PCDH17: variants seen among roughly 807,000 people sequenced by gnomAD.
PCDH17 encodes protocadherin 17, also known as protocadherin-17.
Under a neutral mutation model 67.7 loss-of-function variants are expected in PCDH17, and 21 were observed. The observed-to-expected ratio is 0.31, with a 90% confidence interval of 0.22 to 0.45. The LOEUF is 0.45. Among genes scored for constraint, PCDH17 ranks in the 20% least tolerant of loss-of-function variants. The probability of loss-of-function intolerance (pLI) is 1.00; values close to 1 mark genes in which losing one functional copy is unlikely to be tolerated. For missense variants in PCDH17, 1,471 were observed against 1,564.8 expected (o/e 0.94, Z 1.01); for synonymous variants, 701 against 656.7 (o/e 1.07, Z -1.03).
intron 3 of PCDH17, among the ~76,000 whole-genome samples, chr13:57,723,182 A>C (rs1334327438): frequency 6.6e-6 from 1 of 152,220 alleles, no homozygotes; most frequent in Non-Finnish European, 1.5e-5. Flanking sequence ...TAGAAGAAAG[A>C]TACCTAATTT....
chr13:57,684,818 A>G (rs1243926159), intron 3 of PCDH17, among the ~76,000 whole-genome samples: 1 of 151,966 alleles, frequency 6.6e-6, no homozygotes, highest in Non-Finnish European at 1.5e-5. Context: ...CACTACATTT[A>G]TTACTTACGT....
intron 3 of PCDH17, among the ~76,000 whole-genome samples, chr13:57,711,733 C>T (rs1955778535): frequency 6.6e-6 from 1 of 151,268 alleles, no homozygotes; most frequent in East Asian, 1.9e-4. Context: ...TATAAAATTA[C>T]TATAACATAA....
chr13:57,639,462 CAATA>C (rs1329680861), intron 1 of PCDH17, among the ~76,000 whole-genome samples: 11 of 151,608 alleles, frequency 7.3e-5, no homozygotes, highest in Admixed American at 3.9e-4. Flanking sequence ...CTCTATTTCC[CAATA>C]AATGAAAACA....
At chr13:57,661,436 A>G (rs1955182588) in intron 1 of PCDH17, among the ~76,000 whole-genome samples, 1 of 152,104 alleles carries the variant, frequency 6.6e-6, no homozygotes, top group Admixed American at 6.5e-5. Flanking sequence ...AATTCTCTTA[A>G]CAGTTTCTTT....
Position 57,634,095 on chromosome 13 carries a change from G to A in PCDH17, c.1549G>A (p.Gly517Ser), listed in dbSNP as rs768302880. ...VSYSILPSHI[G>S]DVSIYTYVSV... ...CTACTCTATCCTGCCCTCGCACATC[G>A]GCGACGTGTCTATCTACACCTATGT... is the stretch of plus-strand genomic sequence containing the variant. Residue 517 changes from glycine (G) to serine (S), a missense_variant, in exon 1 of 4, where the codon GGC (glycine) becomes AGC (serine). Physicochemically the swap from Gly to Ser is moderately conservative, Grantham distance 56. Transcript: ENST00000377918. This position sits in a 1 kb window ranked among gnomAD's most constrained non-coding sequence, Gnocchi z 7.8. 2 of 1,613,448 alleles carry A rather than the reference G, an allele frequency of 1.2e-6. No homozygotes were observed. Among genetic ancestry groups the A allele is most frequent in the East Asian group, 4.5e-5 (2 of 44,812 alleles).
chr13:57,632,602 A>G lies in PCDH17; in HGVS notation c.56A>G (p.Lys19Arg), dbSNP rs777340935. The change falls in exon 1 of 4, where the codon AAG becomes AGG. Residue 19 changes from lysine (K) to arginine (R), a missense_variant. This residue lies in a region of PCDH17 where 1,163 missense variants were observed against 1,230.0 expected (regional missense o/e 0.95). Coordinates refer to ENST00000377918, the MANE Select transcript of PCDH17 (RefSeq NM_001040429.3). Reference sequence around the variant, plus strand: ...CTATGGGCCCCTGCCCTCACTCTCAAGAACCTCAACTACTCCGTGCCGGAG... The same window carrying G: ...CTATGGGCCCCTGCCCTCACTCTCAGGAACCTCAACTACTCCGTGCCGGAG... ...FLLWAPALTL[K>R]NLNYSVPEEQ... 3 of 1,613,896 alleles carry G rather than the reference A, an allele frequency of 1.9e-6. No homozygotes were observed. The highest frequency in any genetic ancestry group is 2.7e-5 in the African/African-American group (2 of 75,056).
At chr13:57,653,452 A>C (rs1318615113) in intron 1 of PCDH17, among the ~76,000 whole-genome samples, 1 of 152,192 alleles carries the variant, frequency 6.6e-6, no homozygotes, top group Admixed American at 6.5e-5. Context: ...TGAATCATAC[A>C]GTACTTGAAA....
Position 57,640,774 on chromosome 13 carries a change from A to T in PCDH17, c.2565+5663A>T, listed in dbSNP as rs545686318. 2.0e-5 allele frequency among the ~76,000 whole-genome samples: 3 copies of T among 152,164 alleles called. No individual in the cohort carries two copies. In the South Asian group the frequency reaches 6.2e-4, roughly 32 times the overall value. On this transcript the variant is annotated intron_variant, in intron 1 of 3. Transcript: ENST00000377918. ...GTGAGCCTGATGATGAAACAACAAC[A>T]GGAGGAAGAAGAAGCCACTATAACT...
At chr13:57,692,870 G>A (rs1955571525) in intron 3 of PCDH17, among the ~76,000 whole-genome samples, 1 of 150,934 alleles carries the variant, frequency 6.6e-6, no homozygotes, top group South Asian at 2.1e-4. Flanking sequence ...TCAGCAGTAA[G>A]GTGAAACATA....
Position 57,634,530 on chromosome 13 carries a change from G to T in PCDH17, c.1984G>T (p.Val662Leu). 6.2e-7 allele frequency: 1 copy of T among 1,613,032 alleles called. No individual in the cohort carries two copies. Among genetic ancestry groups the T allele is most frequent in the Non-Finnish European group, 8.5e-7 (1 of 1,180,024 alleles). Residue 662 changes from valine to leucine, a missense_variant, in exon 1 of 4, where the codon GTG (valine) becomes TTG (leucine). Around this residue, in one of 3 missense-constraint regions of PCDH17, gnomAD observed 1,163 missense variants for 1,230.0 expected, o/e 0.95. Transcript: ENST00000377918. The surrounding 1 kb of genome is among the most constrained non-coding windows in gnomAD (Gnocchi z 7.8). Reference protein sequence around the residue: ...WEDVTPVVELVVKVTDHGKPT... With the variant: ...WEDVTPVVELLVKVTDHGKPT... ...GGACGTGACGCCCGTGGTGGAGCTG[G>T]TGGTGAAGGTGACCGACCACGGCAA...
rs759424957 is a variant in PCDH17, at chr13:57,632,891, C to T, written c.345C>T (p.Ile115=). 6.2e-7 allele frequency: 1 copy of T among 1,614,102 alleles called. No individual in the cohort carries two copies. Among genetic ancestry groups the T allele is most frequent in the South Asian group, 1.1e-5 (1 of 91,080 alleles). Residue 115 remains isoleucine, a synonymous_variant, in exon 1 of 4, where the codon ATC becomes ATT. Transcript: ENST00000377918. Reference sequence around the variant, plus strand: ...AGGTGTTCGCCAACGACAAGGAGATCTGCATGATCAAGGTAGAGATCCAGG... The same window carrying T: ...AGGTGTTCGCCAACGACAAGGAGATTTGCATGATCAAGGTAGAGATCCAGG... ...SLEVFANDKE[I]CMIKVEIQDI...
In PCDH17 at chr13:57,727,043, G is replaced by A. The variant is rs920799204; in HGVS notation, c.*1749G>A. On this transcript the variant is annotated 3_prime_UTR_variant, in exon 4 of 4. Transcript: ENST00000377918. ...TACACCTTTCCTTGTGACATTTAGCGAGTTTCAAACTTACTTCCATATGAG... is the reference window on the plus strand; with the variant it reads ...TACACCTTTCCTTGTGACATTTAGCAAGTTTCAAACTTACTTCCATATGAG... 2 of 152,484 alleles carry A rather than the reference G, an allele frequency of 1.3e-5. No homozygotes were observed. Among genetic ancestry groups the A allele is most frequent in the African/African-American group, 4.8e-5 (2 of 41,408 alleles). The allele number at this position is 152,484 out of a possible 1,614,324, so 9.4% of individuals were successfully genotyped here. A position where few individuals can be genotyped will look rare whatever the true frequency, so the allele number is the denominator to read the frequency against.
intron 3 of PCDH17, among the ~76,000 whole-genome samples, chr13:57,681,598 G>A (rs549468362): frequency 6.6e-6 from 1 of 151,714 alleles, no homozygotes; most frequent in Non-Finnish European, 1.5e-5. Context: ...AAAATGGATA[G>A]AAGACACAAA....
At chr13:57,681,412 A>G (rs1482768212) in intron 3 of PCDH17, among the ~76,000 whole-genome samples, 1 of 151,778 alleles carries the variant, frequency 6.6e-6, no homozygotes, top group African/African-American at 2.4e-5. Flanking sequence ...GTGATTATTT[A>G]TTAGTATTAT....
intron 1 of PCDH17, among the ~76,000 whole-genome samples, chr13:57,651,416 C>T (rs868689554): frequency 2.2e-5 from 3 of 136,258 alleles, no homozygotes; most frequent in African/African-American, 8.4e-5. Flanking sequence ...GGCAGGAGTG[C>T]AGTGGCACGA....
At chr13:57,716,018 G>A (rs1319418405) in intron 3 of PCDH17, among the ~76,000 whole-genome samples, 1 of 151,928 alleles carries the variant, frequency 6.6e-6, no homozygotes, top group African/African-American at 2.4e-5. Context: ...TGATATGAAA[G>A]ATGAAAGCTG....
chr13:57,711,958 G>A (rs1265743982), intron 3 of PCDH17, among the ~76,000 whole-genome samples: 26 of 151,262 alleles, frequency 1.7e-4, no homozygotes, highest in Non-Finnish European at 4.4e-5. Flanking sequence ...ATTATGTGCA[G>A]ATATATTTAT....
intron 1 of PCDH17, among the ~76,000 whole-genome samples, chr13:57,646,947 A>C (rs1954973019): frequency 6.6e-6 from 1 of 151,862 alleles, no homozygotes; most frequent in Admixed American, 6.6e-5. Context: ...GTTACATGTT[A>C]CTACAAGAAG....
At chr13:57,637,301 C>CT (rs11284648) in intron 1 of PCDH17, among the ~76,000 whole-genome samples, 1 of 151,920 alleles carries the variant, frequency 6.6e-6, no homozygotes, top group African/African-American at 2.4e-5. Flanking sequence ...ATTGTTTAAA[C>CT]TTTTTTTTAA....
Sources: gnomAD v4.1 joint callset for allele counts (sites outside exome capture counted in the v4.1 genomes callset) on GRCh38, gnomAD v4.1.1 for gene constraint, gnomAD v4.1.1 regional missense constraint, Gnocchi (gnomAD v3.1) non-coding constraint, MANE v1.5 for transcripts, NCBI Gene and HGNC (gene_info 2026-07-23, HGNC 2026-07-21) for gene names.